Variants in NTNG2 observed in about 807,000 individuals in gnomAD.
NTNG2 encodes the protein netrin G2, also known as netrin-G2.
Under a neutral mutation model 47.6 loss-of-function variants are expected in NTNG2, and 15 were observed. The observed-to-expected ratio is 0.32, with a 90% CI of 0.21 to 0.49. The LOEUF is 0.49. Ranked by LOEUF, NTNG2 falls within the 20% of genes least tolerant of loss-of-function variation. The pLI is 0.99. For synonymous variants in NTNG2, 307 were observed against 324.6 expected (o/e 0.95, Z 0.58); for missense variants, 578 against 764.6 (o/e 0.76, Z 2.88).
Position 132,198,463 on chromosome 9 carries a change from G to A in NTNG2, c.711G>A (p.Leu237=), listed in dbSNP as rs777543822. ...ACATGGACAACCTCTACACGCGGCT[G>A]GAGAGCGCCAAGGGCCTCAAGGAGT... is the stretch of plus-strand genomic sequence containing the variant. ...LRNMDNLYTR[L]ESAKGLKEFF... Residue 237 remains leucine, a synonymous_variant, in exon 3 of 8, where the codon CTG becomes CTA. Transcript: ENST00000393229. The A allele has an allele frequency of 1.2e-6, 2 of 1,610,472 alleles. No individual in the cohort carries two copies. The highest frequency in any genetic ancestry group is 2.2e-5 in the East Asian group (1 of 44,858).
intron 2 of NTNG2, among the ~76,000 whole-genome samples, chr9:132,179,259 T>G (rs1389278483): frequency 6.6e-6 from 1 of 152,124 alleles, no homozygotes; most frequent in African/African-American, 2.4e-5. Flanking sequence ...CTGCAGCCAG[T>G]GGGGGCCGGA....
intron 7 of NTNG2, among the ~76,000 whole-genome samples, 168 bp from the exon 8 acceptor site, chr9:132,241,708 G>T (rs1841997368): frequency 6.6e-6 from 1 of 152,084 alleles, no homozygotes; most frequent in African/African-American, 2.4e-5. Flanking sequence ...TCGCCCGGGC[G>T]CCGTCACCCT....
chr9:132,201,500 G>T (rs1422496167), intron 3 of NTNG2, among the ~76,000 whole-genome samples: 1 of 152,248 alleles, frequency 6.6e-6, no homozygotes, highest in Non-Finnish European at 1.5e-5. Flanking sequence ...GTCCAGCCAT[G>T]CTGAGAAGCC....
At position 132,229,919 on chromosome 9, in the gene NTNG2, C is replaced by G. The variant is rs1841069549; in HGVS notation, c.1031-653C>G. Among the ~76,000 whole-genome samples the G allele has an allele frequency of 3.3e-5, 5 of 152,232 alleles. No homozygotes were observed. In the South Asian group the frequency reaches 1.0e-3, roughly 32 times the overall value. On this transcript the variant is annotated intron_variant, in intron 4 of 7. Coordinates refer to ENST00000393229, the MANE Select transcript of NTNG2 (RefSeq NM_032536.4). ...ACCAGGATCATAGGCCTCCCCCATC[C>G]CCTGGACACACAGAGACACACCTGG...
chr9:132,205,035 C>T (rs565566871), intron 3 of NTNG2, among the ~76,000 whole-genome samples: 37 of 152,276 alleles, frequency 2.4e-4, no homozygotes, highest in African/African-American at 7.5e-4. Context: ...GGAACAAAAA[C>T]GGTGCAGCCA....
chr9:132,174,812 C>G (rs899130575), intron 2 of NTNG2, among the ~76,000 whole-genome samples: 1 of 151,794 alleles, frequency 6.6e-6, no homozygotes, highest in Non-Finnish European at 1.5e-5. Context: ...ATCCCAGCTA[C>G]TTGGGAGTCT....
At chr9:132,185,717 C>CT (rs1454781625) in intron 2 of NTNG2, among the ~76,000 whole-genome samples, 1 of 151,920 alleles carries the variant, frequency 6.6e-6, no homozygotes, top group Non-Finnish European at 1.5e-5. Flanking sequence ...CTTTCATTTA[C>CT]TTTTTAAAAA....
intron 2 of NTNG2, among the ~76,000 whole-genome samples, chr9:132,179,542 G>A (rs778089138): frequency 1.9e-4 from 29 of 152,334 alleles, no homozygotes; most frequent in African/African-American, 5.1e-4. Flanking sequence ...CAGCAATGCC[G>A]GCGATCATGG....
chr9:132,206,041 C>T (rs1297637840), intron 3 of NTNG2, among the ~76,000 whole-genome samples: 1 of 152,164 alleles, frequency 6.6e-6, no homozygotes, highest in Admixed American at 6.5e-5. Context: ...GTCTTTGCCT[C>T]CTTCCCACCT....
intron 7 of NTNG2, 63 bp from the exon 8 acceptor site, chr9:132,241,813 G>A: frequency 1.6e-6 from 2 of 1,271,870 alleles, no homozygotes; most frequent in East Asian, 3.0e-5. Context: ...TGCTTCGCAG[G>A]AGCTCGGAGG....
chr9:132,192,239 G>A (rs531198622), intron 2 of NTNG2, among the ~76,000 whole-genome samples: 1 of 152,302 alleles, frequency 6.6e-6, no homozygotes, highest in East Asian at 1.9e-4. Flanking sequence ...ACTGGGGTGG[G>A]GGGACTGGGG....
chr9:132,224,519 G>A (rs988412199), intron 3 of NTNG2, among the ~76,000 whole-genome samples: 11 of 152,168 alleles, frequency 7.2e-5, no homozygotes, highest in East Asian at 5.8e-4. Flanking sequence ...TGCTAGACCC[G>A]AAGCACCATC....
At chr9:132,220,170 A>C (rs1160351555) in intron 3 of NTNG2, among the ~76,000 whole-genome samples, 1 of 152,128 alleles carries the variant, frequency 6.6e-6, no homozygotes, top group East Asian at 1.9e-4. Flanking sequence ...TCCTTTCCTC[A>C]TTTTAAAAAC....
intron 3 of NTNG2, among the ~76,000 whole-genome samples, chr9:132,213,033 T>C (rs2130839709): frequency 6.6e-6 from 1 of 152,278 alleles, no homozygotes; most frequent in Non-Finnish European, 1.5e-5. Flanking sequence ...AAAGAAGGAC[T>C]TGAGGCCGGG....
intron 2 of NTNG2, among the ~76,000 whole-genome samples, chr9:132,190,232 C>CAAAAAAA (rs58974463): frequency 1.4e-5 from 1 of 69,916 alleles, no homozygotes; most frequent in African/African-American, 5.6e-5. Flanking sequence ...GACTCCATCT[C>CAAAAAAA]AAAAAAAAAA....
At chr9:132,184,721 C>T (rs568515821) in intron 2 of NTNG2, among the ~76,000 whole-genome samples, 31 of 152,262 alleles carry the variant, frequency 2.0e-4, no homozygotes, top group African/African-American at 7.5e-4. Flanking sequence ...GTCAGGAGTT[C>T]GAGACCAGCC....
At chr9:132,209,241 T>C (rs1347703134) in intron 3 of NTNG2, among the ~76,000 whole-genome samples, 1 of 152,378 alleles carries the variant, frequency 6.6e-6, no homozygotes, top group East Asian at 1.9e-4. Context: ...TGTTTAACTC[T>C]ATGAGAAACT....
intron 3 of NTNG2, among the ~76,000 whole-genome samples, chr9:132,213,739 C>A (rs577424349): frequency 2.4e-4 from 37 of 152,310 alleles, no homozygotes; most frequent in African/African-American, 8.9e-4. Flanking sequence ...AAGATAAATG[C>A]GCTATCTGGC....
intron 3 of NTNG2, among the ~76,000 whole-genome samples, chr9:132,222,970 C>T (rs1001567303): frequency 6.6e-6 from 1 of 152,082 alleles, no homozygotes; most frequent in Non-Finnish European, 1.5e-5. Context: ...TGAAATTAGC[C>T]AGGCATGGTG....
Sources: allele counts gnomAD v4.1 joint callset (sites outside exome capture counted in the v4.1 genomes callset), GRCh38; gene constraint gnomAD v4.1.1; transcripts MANE v1.5; gene names NCBI Gene and HGNC (gene_info 2026-07-23, HGNC 2026-07-21).